NBEA: variants seen among roughly 807,000 people sequenced by gnomAD.
NBEA encodes lysosomal-trafficking regulator 2.
In NBEA, 44 loss-of-function variants were observed where a neutral mutation model predicts 343.4. That is an observed-to-expected ratio of 0.13 (90% confidence interval 0.10 to 0.16). The LOEUF is 0.16. Ranked by LOEUF, NBEA falls within the 10% of genes least tolerant of loss-of-function variation. The pLI is 1.00. For synonymous variants in NBEA, 1,175 were observed against 1,238.7 expected (o/e 0.95, Z 1.08); for missense variants, 2,555 against 3,631.3 (o/e 0.70, Z 7.62).
chr13:35,273,578 G>A (rs1186391007), intron 34 of NBEA, among the ~76,000 whole-genome samples: 1 of 152,016 alleles, frequency 6.6e-6, no homozygotes, highest in African/African-American at 2.4e-5. Context: ...TCCAGGAGCT[G>A]GTTTTTTGAA....
intron 46 of NBEA, among the ~76,000 whole-genome samples, chr13:35,588,969 C>A (rs1220920971): frequency 6.6e-6 from 1 of 152,032 alleles, no homozygotes; most frequent in African/African-American, 2.4e-5. Context: ...CCTCTTTAAA[C>A]CATAATGTGT....
intron 41 of NBEA, among the ~76,000 whole-genome samples, chr13:35,533,669 G>A (rs1594902638): frequency 6.6e-6 from 1 of 152,064 alleles, no homozygotes; most frequent in South Asian, 2.1e-4. Context: ...TTAACACTCT[G>A]TTTGCTACAT....
At chr13:35,630,786 G>A (rs1322377598) in intron 49 of NBEA, among the ~76,000 whole-genome samples, 1 of 151,692 alleles carries the variant, frequency 6.6e-6, no homozygotes, top group Non-Finnish European at 1.5e-5. Flanking sequence ...CACATCAGCA[G>A]AGAGGTTTAC....
intron 34 of NBEA, among the ~76,000 whole-genome samples, chr13:35,263,012 C>T (rs1198466048): frequency 6.6e-6 from 1 of 151,950 alleles, no homozygotes; most frequent in African/African-American, 2.4e-5. Flanking sequence ...CCTGAATAAC[C>T]AAAATAATCC....
chr13:35,236,520 C>T (rs1170956742), intron 34 of NBEA, among the ~76,000 whole-genome samples: 1 of 151,992 alleles, frequency 6.6e-6, no homozygotes, highest in Non-Finnish European at 1.5e-5. Context: ...TATCTTGGCT[C>T]ACTGCAAGCT....
intron 38 of NBEA, among the ~76,000 whole-genome samples, chr13:35,410,542 T>G (rs547455037): frequency 6.6e-6 from 1 of 152,114 alleles, no homozygotes; most frequent in Admixed American, 6.5e-5. Flanking sequence ...CTTCAAAAGG[T>G]TCACAGAAAA....
chr13:34,954,021 CT>C (rs1243524336), intron 1 of NBEA, among the ~76,000 whole-genome samples: 4 of 152,214 alleles, frequency 2.6e-5, no homozygotes, highest in East Asian at 1.9e-4. Flanking sequence ...CTGAACCCCC[CT>C]ATTCATGGAA....
At chr13:35,172,195 T>G (rs916230806) in intron 26 of NBEA, among the ~76,000 whole-genome samples, 2 of 152,044 alleles carry the variant, frequency 1.3e-5, no homozygotes, top group Non-Finnish European at 2.9e-5. Flanking sequence ...ATGTCAAAAA[T>G]TCCTTTCTGA....
chr13:34,954,092 A>G (rs1469419627), intron 1 of NBEA, among the ~76,000 whole-genome samples: 3 of 152,330 alleles, frequency 2.0e-5, no homozygotes, highest in East Asian at 3.9e-4. Flanking sequence ...GCTGCCCTAA[A>G]GAATATAGTA....
At chr13:34,992,225 T>C (rs1206945331) in intron 1 of NBEA, among the ~76,000 whole-genome samples, 1 of 107,764 alleles carries the variant, frequency 9.3e-6, no homozygotes, top group Non-Finnish European at 2.0e-5. Flanking sequence ...TGTGTATATG[T>C]GTGTGTGTGT....
intron 34 of NBEA, among the ~76,000 whole-genome samples, chr13:35,271,046 C>G (rs1234893900): frequency 6.6e-6 from 1 of 152,236 alleles, no homozygotes; most frequent in African/African-American, 2.4e-5. Flanking sequence ...ACTGCCTCCT[C>G]AAGTGGGTCC....
At chr13:35,654,320 T>C (rs1422180642) in intron 53 of NBEA, among the ~76,000 whole-genome samples, 2 of 152,178 alleles carry the variant, frequency 1.3e-5, no homozygotes, top group African/African-American at 4.8e-5. Context: ...CTGTTGACAA[T>C]CCAGGCCTGT....
intron 18 of NBEA, among the ~76,000 whole-genome samples, chr13:35,150,373 T>C (rs892678116): frequency 6.6e-6 from 1 of 152,108 alleles, no homozygotes; most frequent in African/African-American, 2.4e-5. Context: ...AAACCAAATT[T>C]TATTATCAGA....
At chr13:35,100,411 T>C (rs1229818182) in intron 11 of NBEA, among the ~76,000 whole-genome samples, 1 of 151,994 alleles carries the variant, frequency 6.6e-6, no homozygotes, top group Non-Finnish European at 1.5e-5. Flanking sequence ...GCTTATTTTT[T>C]TGAATGACAG....
intron 18 of NBEA, among the ~76,000 whole-genome samples, chr13:35,149,294 A>T (rs1190070512): frequency 6.6e-6 from 1 of 152,110 alleles, no homozygotes; most frequent in Non-Finnish European, 1.5e-5. Context: ...TTCCCTCATC[A>T]TAGTAACTGT....
At chr13:34,968,566 G>T (rs74051203) in intron 1 of NBEA, among the ~76,000 whole-genome samples, 3,512 of 152,206 alleles carry the variant, frequency 0.023, 57 homozygotes, top group South Asian at 0.075. Flanking sequence ...AGCCATTACT[G>T]ATATGTAAAT....
intron 49 of NBEA, among the ~76,000 whole-genome samples, chr13:35,638,993 A>C (rs1010076705): frequency 6.6e-6 from 1 of 152,236 alleles, no homozygotes; most frequent in Non-Finnish European, 1.5e-5. Context: ...CCAAGAATTA[A>C]GGCAGGTAAC....
intron 34 of NBEA, among the ~76,000 whole-genome samples, chr13:35,242,752 A>G (rs1262948487): frequency 6.6e-6 from 1 of 151,898 alleles, no homozygotes; most frequent in African/African-American, 2.4e-5. Context: ...GCATGAAGTA[A>G]AAAGCAAAAC....
Position 35,164,462 on chromosome 13 carries a change from G to T in NBEA, c.4186G>T (p.Ala1396Ser). 1 of 1,610,764 alleles carries T rather than the reference G, an allele frequency of 6.2e-7. No individual in the cohort carries two copies. The highest frequency in any genetic ancestry group is 8.5e-7 in the Non-Finnish European group (1 of 1,178,326). Residue 1396 changes from alanine (A) to serine (S), a missense_variant, in exon 24 of 59, where the codon GCT becomes TCT. By Grantham distance (99) the Ala-to-Ser change is moderately conservative. Transcript: ENST00000379939. The stretch of plus-strand genomic sequence containing the variant: ...CCAAATGGTAGACAACATCATCATT[G>T]CTTGTGGAGGAATTTTACCTTTGCT... ...ISQMVDNIII[A>S]CGGILPLLSA...
Sources: allele counts gnomAD v4.1 joint callset (sites outside exome capture counted in the v4.1 genomes callset), GRCh38; gene constraint gnomAD v4.1.1; transcripts MANE v1.5; gene names NCBI Gene and HGNC (gene_info 2026-07-23, HGNC 2026-07-21).